Variants in ZFAT observed in about 807,000 individuals in gnomAD.
ZFAT encodes zinc finger and AT-hook domain containing, also known as zinc finger protein ZFAT.
Under a neutral mutation model 117.7 loss-of-function variants are expected in ZFAT, and 64 were observed. That is an observed-to-expected ratio of 0.54 (90% confidence interval 0.44 to 0.67). ZFAT has a LOEUF of 0.67. ZFAT is among the 30% of genes least tolerant of loss of function. The pLI, the probability that ZFAT is intolerant of heterozygous loss-of-function variation, is 0.00. For missense variants in ZFAT, 1,433 were observed against 1,584.5 expected (o/e 0.90, Z 1.62); for synonymous variants, 679 against 615.0 (o/e 1.10, Z -1.54).
chr8:134,601,885 G>A lies in ZFAT; in HGVS notation c.1834C>T (p.Pro612Ser). 3.1e-6 allele frequency: 5 copies of A among 1,613,478 alleles called. No homozygotes were observed. Among genetic ancestry groups the A allele is most frequent in the Non-Finnish European group, 4.2e-6 (5 of 1,179,712 alleles). Residue 612 changes from proline to serine, a missense_variant, in exon 6 of 16, where the codon CCT becomes TCT. Around this residue, in one of 5 missense-constraint regions of ZFAT, gnomAD observed 372 missense variants for 355.6 expected, o/e 1.05. Coordinates refer to ENST00000377838, the MANE Select transcript of ZFAT (RefSeq NM_020863.4). ...DTSSAEAHAA[P>S]EKPPDMQHRS... Reference sequence around the variant, plus strand: ...TGCTGCATGTCTGGGGGCTTCTCAGGAGCAGCATGAGCCTCTGCGGAGGAG... The same window carrying A: ...TGCTGCATGTCTGGGGGCTTCTCAGAAGCAGCATGAGCCTCTGCGGAGGAG...
intron 15 of ZFAT, among the ~76,000 whole-genome samples, chr8:134,507,044 T>C (rs2130335043): frequency 6.6e-6 from 1 of 152,346 alleles, no homozygotes; most frequent in South Asian, 2.1e-4. Context: ...GTCTTGGGTT[T>C]GAGCAAGAGA....
At chr8:134,787,579 A>T in the ZFAT span, among the ~76,000 whole-genome samples, 2 of 152,182 alleles carry the variant, frequency 1.3e-5, no homozygotes, top group African/African-American at 2.4e-5. Context: ...AGTGTTAATT[A>T]CAACTACACT....
At chr8:134,649,187 ACACACACACACACACC>A (rs934218853) in intron 2 of ZFAT, among the ~76,000 whole-genome samples, 2 of 151,232 alleles carry the variant, frequency 1.3e-5, no homozygotes, top group Admixed American at 6.6e-5. Context: ...ACACACACAC[ACACACACACACACACC>A]CCATCATACT....
At chr8:134,725,250 C>T in the ZFAT span, among the ~76,000 whole-genome samples, 12 of 152,272 alleles carry the variant, frequency 7.9e-5, no homozygotes, top group Admixed American at 1.3e-4. Flanking sequence ...CAAGTTCAAG[C>T]GCCTGGCAAA....
At chr8:134,573,250 A>ATG (rs375435832) in intron 10 of ZFAT, among the ~76,000 whole-genome samples, 1 of 151,870 alleles carries the variant, frequency 6.6e-6, no homozygotes, top group Non-Finnish European at 1.5e-5. Context: ...GTATGTGTGC[A>ATG]TGTGTGTGTG....
intron 10 of ZFAT, among the ~76,000 whole-genome samples, chr8:134,566,424 G>A (rs1824474401): frequency 7.6e-6 from 1 of 132,404 alleles, no homozygotes; most frequent in South Asian, 2.6e-4. Context: ...TAAGGTTTTA[G>A]CAATATTTAA....
chr8:134,563,417 G>A lies in ZFAT; in HGVS notation c.2976+1916C>T, dbSNP rs28579560. Among the ~76,000 whole-genome samples, 1,118 of 152,262 alleles carry A rather than the reference G, an allele frequency of 7.3e-3. 17 individuals are homozygous for A. Among genetic ancestry groups the A allele is most frequent in the African/African-American group, 0.024 (1,017 of 41,530 alleles). On this transcript the variant is annotated intron_variant, in intron 11 of 15. Coordinates refer to ENST00000377838, the MANE Select transcript of ZFAT (RefSeq NM_020863.4). ...TCTTCACTTCCTGGATATTGAAGGC[G>A]TACCAGCAGATCCCTCCGAGCCTCC...
intron 1 of ZFAT, among the ~76,000 whole-genome samples, chr8:134,684,094 T>C (rs975562344): frequency 8.6e-5 from 13 of 151,870 alleles, no homozygotes; most frequent in Non-Finnish European, 1.8e-4. Context: ...CCAAGGAAAC[T>C]GGTCTGAAAA....
At chr8:134,549,104 T>TCATCA (rs1822926522) in intron 11 of ZFAT, among the ~76,000 whole-genome samples, 1 of 152,122 alleles carries the variant, frequency 6.6e-6, no homozygotes, top group South Asian at 2.1e-4. Flanking sequence ...TTCCAGAATG[T>TCATCA]TCTGGATGAT....
At chr8:134,686,005 A>G (rs1164080474) in intron 1 of ZFAT, among the ~76,000 whole-genome samples, 1 of 152,094 alleles carries the variant, frequency 6.6e-6, no homozygotes, top group African/African-American at 2.4e-5. Context: ...CCAAACACAC[A>G]TCCTTGGCCC....
chr8:134,729,046 G>A, the ZFAT span, among the ~76,000 whole-genome samples: 1 of 152,000 alleles, frequency 6.6e-6, no homozygotes, highest in African/African-American at 2.4e-5. Flanking sequence ...AATATTCTTA[G>A]GAGAATTATA....
intron 1 of ZFAT, among the ~76,000 whole-genome samples, chr8:134,678,416 T>C (rs202044672): frequency 1.3e-5 from 2 of 152,114 alleles, no homozygotes. Context: ...AGGAGAATTA[T>C]AAGCCACTGC....
the ZFAT span, among the ~76,000 whole-genome samples, chr8:134,736,477 G>A: frequency 2.6e-5 from 4 of 152,308 alleles, no homozygotes; most frequent in East Asian, 7.7e-4. Context: ...ATTATGGAAT[G>A]CAAAATTAAG....
At chr8:134,604,547 G>C (rs560720605) in intron 5 of ZFAT, among the ~76,000 whole-genome samples, 1 of 152,220 alleles carries the variant, frequency 6.6e-6, no homozygotes, top group African/African-American at 2.4e-5. Context: ...TTCTTCTCCA[G>C]CCGTAACTGC....
chr8:134,821,306 T>C, the ZFAT span, among the ~76,000 whole-genome samples: 1 of 152,142 alleles, frequency 6.6e-6, no homozygotes, highest in African/African-American at 2.4e-5. Context: ...GATTATAAGC[T>C]GAATGTGATC....
At chr8:134,682,375 G>A (rs1053883136) in intron 1 of ZFAT, among the ~76,000 whole-genome samples, 1 of 152,216 alleles carries the variant, frequency 6.6e-6, no homozygotes, top group African/African-American at 2.4e-5. Context: ...TCTAAGTCTG[G>A]CCGGGCACGG....
Position 134,602,587 on chromosome 8 carries a change from C to T in ZFAT, c.1132G>A (p.Asp378Asn). 1.2e-6 allele frequency: 2 copies of T among 1,614,154 alleles called. No individual in the cohort carries two copies. The highest frequency in any genetic ancestry group is 1.7e-6 in the Non-Finnish European group (2 of 1,180,046). The change falls in exon 6 of 16, where the codon GAC becomes AAC. Residue 378 changes from aspartate to asparagine, a missense_variant. Asp to Asn is a conservative substitution (Grantham distance 23). Transcript: ENST00000377838. ...TCTTTGACCTTCTTGTCCTGTGGGT[C>T]ATGCGCGTCTCGGATGTGCTTGATG... ...NLIKHIRDAH[D>N]PQDKKVKEAL...
At chr8:134,802,243 A>C in the ZFAT span, among the ~76,000 whole-genome samples, 2 of 152,232 alleles carry the variant, frequency 1.3e-5, no homozygotes, top group African/African-American at 4.8e-5. Context: ...AAACAGCCTT[A>C]TTTTAAAAAG....
rs190593281 is a variant in ZFAT at position 134,488,019 on chromosome 8, C to G, written c.3493-9298G>C. On this transcript the variant is annotated intron_variant, in intron 15 of 15. Coordinates refer to ENST00000377838, the MANE Select transcript of ZFAT (RefSeq NM_020863.4). ...AGACGCCCCACCAGGACTTGACCTC[C>G]GTACTGAGCAACCACAGGAATAAGA... Among the ~76,000 whole-genome samples the G allele has an allele frequency of 7.2e-5, 11 of 152,350 alleles. No individual in the cohort carries two copies. In the East Asian group the frequency reaches 1.9e-3, roughly 27 times the overall value.
Sources: allele counts gnomAD v4.1 joint callset (sites outside exome capture counted in the v4.1 genomes callset), GRCh38; gene constraint gnomAD v4.1.1; regional missense constraint gnomAD v4.1.1; transcripts MANE v1.5; gene names NCBI Gene and HGNC (gene_info 2026-07-23, HGNC 2026-07-21).